Variants in JARID2 observed in about 807,000 individuals in gnomAD.
JARID2 encodes protein Jumonji.
JARID2 carries 21 observed loss-of-function variants against 125.6 expected under a neutral mutation model. The ratio of observed to expected loss-of-function variants is 0.17; its 90% CI spans 0.12 to 0.24. JARID2 has a LOEUF of 0.24. Among genes scored for constraint, JARID2 ranks in the 10% least tolerant of loss-of-function variants. The probability of loss-of-function intolerance (pLI) is 1.00; values close to 1 mark genes in which losing one functional copy is unlikely to be tolerated. For missense variants in JARID2, 1,303 were observed against 1,639.6 expected (o/e 0.79, Z 3.55); for synonymous variants, 736 against 661.6 (o/e 1.11, Z -1.73).
chr6:15,464,411 C>T (rs987671221), intron 4 of JARID2, among the ~76,000 whole-genome samples: 3 of 152,260 alleles, frequency 2.0e-5, no homozygotes, highest in Admixed American at 1.3e-4. Flanking sequence ...TGAGGGTGCC[C>T]GACCAAATTC....
chr6:15,404,029 T>TA (rs2127559400), intron 2 of JARID2, among the ~76,000 whole-genome samples: 1 of 152,306 alleles, frequency 6.6e-6, no homozygotes, highest in South Asian at 2.1e-4. Flanking sequence ...GGGAAAGGGA[T>TA]AATTATTTTC....
At chr6:15,415,815 G>C (rs1330659565) in intron 3 of JARID2, among the ~76,000 whole-genome samples, 3 of 137,832 alleles carry the variant, frequency 2.2e-5, no homozygotes, top group Non-Finnish European at 4.9e-5. Context: ...CTGGCCGGGC[G>C]GGGGGCTGAC....
intron 1 of JARID2, among the ~76,000 whole-genome samples, chr6:15,294,323 G>T (rs1009803312): frequency 2.6e-5 from 4 of 152,180 alleles, no homozygotes; most frequent in Non-Finnish European, 5.9e-5. Context: ...CTCCCGAGCA[G>T]CTGGGACTAT....
intron 3 of JARID2, among the ~76,000 whole-genome samples, chr6:15,433,448 G>GTGTGTGTA (rs1767057736): frequency 1.4e-5 from 2 of 144,628 alleles, no homozygotes; most frequent in East Asian, 4.1e-4. Flanking sequence ...GTGTGTGTGT[G>GTGTGTGTA]TGTATAATTT....
intron 1 of JARID2, chr6:15,247,650 T>C: frequency 1.2e-5 from 12 of 985,292 alleles, no homozygotes; most frequent in Non-Finnish European, 1.3e-5. Context: ...TTTTGATCAT[T>C]GTGGTGTGTG....
At chr6:15,248,296 C>T (rs1245505399) in intron 1 of JARID2, among the ~76,000 whole-genome samples, 2 of 146,378 alleles carry the variant, frequency 1.4e-5, no homozygotes, top group Non-Finnish European at 3.0e-5. Context: ...CTATAGGGGG[C>T]ATACTCCGGG....
intron 3 of JARID2, among the ~76,000 whole-genome samples, chr6:15,422,226 G>A (rs1766526372): frequency 6.6e-6 from 1 of 152,198 alleles, no homozygotes; most frequent in Non-Finnish European, 1.5e-5. Context: ...ATTTTAGTGG[G>A]TGGTTCTCTG....
At chr6:15,345,221 G>T (rs1471381301) in intron 1 of JARID2, among the ~76,000 whole-genome samples, 2 of 152,166 alleles carry the variant, frequency 1.3e-5, no homozygotes, top group Admixed American at 1.3e-4. Context: ...CTTTTCAAGA[G>T]GTGCTGGAGC....
intron 1 of JARID2, among the ~76,000 whole-genome samples, chr6:15,277,659 G>A (rs956699903): frequency 1.3e-5 from 2 of 151,890 alleles, no homozygotes; most frequent in African/African-American, 2.4e-5. Context: ...TGGGACTTTT[G>A]TTAATTCAGT....
At chr6:15,513,201 C>T (rs1037167486) in intron 15 of JARID2, 38 bp from the exon 16 acceptor site, 50 of 1,554,494 alleles carry the variant, frequency 3.2e-5, no homozygotes, top group African/African-American at 8.2e-5. Flanking sequence ...CATGGCAGGC[C>T]GTCACTAAAG....
intron 6 of JARID2, among the ~76,000 whole-genome samples, chr6:15,491,547 A>G (rs1205842779): frequency 6.6e-6 from 1 of 152,264 alleles, no homozygotes; most frequent in Non-Finnish European, 1.5e-5. Context: ...AAAGGCTGGC[A>G]GAGGCCTCGG....
chr6:15,483,995 T>C (rs182979827), intron 5 of JARID2, among the ~76,000 whole-genome samples: 2 of 152,332 alleles, frequency 1.3e-5, no homozygotes, highest in Admixed American at 1.3e-4. Context: ...TCCCTTATAG[T>C]TAACCTACCA....
chr6:15,500,785 C>T lies in JARID2; in HGVS notation c.1946-122C>T, dbSNP rs1770696452. 8.3e-6 allele frequency: 7 copies of T among 843,622 alleles called. No individual in the cohort carries two copies. The South Asian group carries it at 1.1e-4, about 14-fold the overall frequency. The allele number at this position is 843,622 out of a possible 1,614,324, so 52.3% of individuals were successfully genotyped here. On this transcript the variant is annotated intron_variant, in intron 7 of 17. Coordinates refer to ENST00000341776, the MANE Select transcript of JARID2 (RefSeq NM_004973.4). ...GGGAGTCTGCTGTTCACCACTCTCA[C>T]CCCAGAGCCTGTCAGAGTCCTGGCT...
At chr6:15,345,361 TCTG>T (rs1490800259) in intron 1 of JARID2, among the ~76,000 whole-genome samples, 20 of 152,182 alleles carry the variant, frequency 1.3e-4, no homozygotes, top group African/African-American at 4.6e-4. Context: ...CCTGGGGTGA[TCTG>T]CTGTCAATTA....
intron 2 of JARID2, among the ~76,000 whole-genome samples, chr6:15,389,990 A>G (rs1374251975): frequency 1.3e-5 from 2 of 152,152 alleles, no homozygotes; most frequent in Non-Finnish European, 2.9e-5. Context: ...CATGGCTTTT[A>G]GTTTCCTTCT....
intron 1 of JARID2, among the ~76,000 whole-genome samples, chr6:15,349,979 C>T (rs572763752): frequency 7.9e-5 from 12 of 152,032 alleles, no homozygotes; most frequent in East Asian, 1.9e-4. Context: ...CTTGTGGTCC[C>T]GTATTATTGG....
chr6:15,373,107 C>G (rs1764232057), intron 1 of JARID2, among the ~76,000 whole-genome samples: 1 of 152,098 alleles, frequency 6.6e-6, no homozygotes, highest in African/African-American at 2.4e-5. Context: ...CAGAAGAGAA[C>G]CTCTCAATAT....
At chr6:15,261,311 C>CTTTTT (rs70996526) in intron 1 of JARID2, among the ~76,000 whole-genome samples, 16 of 125,820 alleles carry the variant, frequency 1.3e-4, no homozygotes, top group African/African-American at 2.6e-4. Context: ...TCTTCTTCTT[C>CTTTTT]TTTTTTTTTT....
intron 1 of JARID2, chr6:15,248,189 G>GTGTT (rs1377958080): frequency 2.9e-6 from 2 of 693,966 alleles, no homozygotes; most frequent in African/African-American, 3.9e-5. Context: ...AGCAGAGCCG[G>GTGTT]TGTTCCCGAC....
Sources: gnomAD v4.1 joint callset for allele counts (sites outside exome capture counted in the v4.1 genomes callset) on GRCh38, gnomAD v4.1.1 for gene constraint, MANE v1.5 for transcripts, NCBI Gene and HGNC (gene_info 2026-07-23, HGNC 2026-07-21) for gene names.